Variants in ZDHHC11B observed in about 807,000 individuals in gnomAD.
The protein encoded by ZDHHC11B is probable palmitoyltransferase ZDHHC11B.
Under a neutral mutation model 42.3 loss-of-function variants are expected in ZDHHC11B, and 17 were observed. The observed-to-expected ratio is 0.40, with a 90% CI of 0.27 to 0.60. The LOEUF (loss-of-function observed/expected upper bound fraction) is 0.60, where lower values mean the gene tolerates loss of function less well. Among genes scored for constraint, ZDHHC11B ranks in the 20% least tolerant of loss-of-function variants. The pLI is 0.41. For missense variants in ZDHHC11B, 262 were observed against 463.2 expected, an observed-to-expected ratio of 0.57 and a Z score of 3.99; for synonymous variants, 123 against 193.5, an observed-to-expected ratio of 0.64 and a Z score of 3.02.
At chr5:778,835 C>T (rs1303341872) in intron 1 of ZDHHC11B, among the ~76,000 whole-genome samples, 1 of 151,904 alleles carries the variant, frequency 6.6e-6, no homozygotes, top group African/African-American at 2.4e-5. Flanking sequence ...TCGTCCCCTC[C>T]AAAATCCACG....
At chr5:780,583 G>A (rs1343654902) in intron 1 of ZDHHC11B, among the ~76,000 whole-genome samples, 1 of 135,274 alleles carries the variant, frequency 7.4e-6, no homozygotes, top group Non-Finnish European at 1.5e-5. Flanking sequence ...GAAAACGGAC[G>A]GTAAGACCCC....
intron 8 of ZDHHC11B, among the ~76,000 whole-genome samples, chr5:746,894 G>A (rs1289370035): frequency 4.3e-4 from 54 of 126,304 alleles, no homozygotes; most frequent in African/African-American, 1.1e-3. Context: ...CGGCACATGT[G>A]GATGAGACCA....
intron 13 of ZDHHC11B, among the ~76,000 whole-genome samples, chr5:715,369 A>C (rs1278399746): frequency 6.6e-6 from 1 of 151,196 alleles, no homozygotes; most frequent in Non-Finnish European, 1.5e-5. Context: ...TTCCACACAA[A>C]GGAAATGGTG....
rs370416532 is a variant in ZDHHC11B at position 766,345 on chromosome 5, G to A, written c.222+353C>T. Among the ~76,000 whole-genome samples, 188 of 151,928 alleles carry A rather than the reference G, an allele frequency of 1.2e-3. 3 individuals are homozygous for A. Among genetic ancestry groups the A allele is most frequent in the African/African-American group, 4.4e-3 (183 of 41,406 alleles). On this transcript the variant is annotated intron_variant, in intron 4 of 13. Transcript: ENST00000508859. Reference sequence around the variant, plus strand: ...GGGAGCAGAACCAGGTCCCCCACCTGCTGGGAGATGGGAGCAGACGGCCTG... The same window carrying A: ...GGGAGCAGAACCAGGTCCCCCACCTACTGGGAGATGGGAGCAGACGGCCTG...
In ZDHHC11B at chr5:784,661, C is replaced by G. The variant is rs928161712; in HGVS notation, c.-230+7G>C. Among the ~76,000 whole-genome samples the G allele has an allele frequency of 6.6e-6, 1 of 151,028 alleles. No homozygotes were observed. Among genetic ancestry groups the G allele is most frequent in the African/African-American group, 2.4e-5 (1 of 41,192 alleles). On this transcript the variant is annotated splice_region_variant and intron_variant, in intron 1 of 13. Transcript: ENST00000508859. Reference sequence around the variant, plus strand: ...CGCCCGCAGGACCGAGCCCCGCGCCCGCTTACCTTGGAGACGCAGCAACTG... The same window carrying G: ...CGCCCGCAGGACCGAGCCCCGCGCCGGCTTACCTTGGAGACGCAGCAACTG...
intron 1 of ZDHHC11B, among the ~76,000 whole-genome samples, chr5:772,806 C>T (rs1276041875): frequency 5.7e-4 from 87 of 151,870 alleles, no homozygotes; most frequent in African/African-American, 1.9e-3. Flanking sequence ...CCCGCCTCTG[C>T]GTGGGGTGTG....
In ZDHHC11B at chr5:756,413, C is replaced by T. The variant is rs567027032; in HGVS notation, c.223-269G>A. On this transcript the variant is annotated intron_variant, in intron 4 of 13. Coordinates refer to ENST00000508859, the MANE Select transcript of ZDHHC11B (RefSeq NM_001351303.2). ...TCGGCCCTGCACACACAGCCCTGCTCACCCAGGCCTAGAGAAGATGAGGCT... is the reference window on the plus strand; with the variant it reads ...TCGGCCCTGCACACACAGCCCTGCTTACCCAGGCCTAGAGAAGATGAGGCT... 2.6e-4 allele frequency among the ~76,000 whole-genome samples: 39 copies of T among 151,878 alleles called. 2 individuals are homozygous for T. In the East Asian group the frequency reaches 4.8e-3, roughly 19 times the overall value.
intron 4 of ZDHHC11B, among the ~76,000 whole-genome samples, chr5:759,339 C>T (rs1734278213): frequency 6.6e-6 from 1 of 151,914 alleles, no homozygotes; most frequent in African/African-American, 2.4e-5. Flanking sequence ...AGAGCGAGCC[C>T]ACAGCCCCTA....
At chr5:778,364 T>C (rs1736715758) in intron 1 of ZDHHC11B, among the ~76,000 whole-genome samples, 1 of 151,014 alleles carries the variant, frequency 6.6e-6, no homozygotes, top group Non-Finnish European at 1.5e-5. Context: ...GCAAGGACTC[T>C]CACGCGGGGC....
rs1163368043 is a variant in ZDHHC11B at position 714,609 on chromosome 5, A to G, written c.*7+2192T>C. ...GCAAATGATAAAGAGCATGAAAATG[A>G]TAAAGAATGTGACCTGAAATTATCT... On this transcript the variant is annotated intron_variant, in intron 13 of 13. Coordinates refer to ENST00000508859, the MANE Select transcript of ZDHHC11B (RefSeq NM_001351303.2). Among the ~76,000 whole-genome samples, 5 of 114,562 alleles carry G rather than the reference A, an allele frequency of 4.4e-5. 1 individual carries two copies. In the East Asian group the frequency reaches 1.1e-3, roughly 26 times the overall value. The allele number at this position is 114,562 out of a possible 152,430, so 75.2% of individuals were successfully genotyped here.
intron 4 of ZDHHC11B, among the ~76,000 whole-genome samples, chr5:756,561 C>A (rs1579380413): frequency 6.6e-6 from 1 of 151,828 alleles, no homozygotes; most frequent in East Asian, 1.9e-4. Context: ...ACCGCACCCC[C>A]AGAGGCTCAG....
chr5:730,598 CATGGA>C (rs1742948528), intron 11 of ZDHHC11B, 130 bp from the exon 12 acceptor site: 1 of 1,031,036 alleles, frequency 9.7e-7, no homozygotes, highest in Non-Finnish European at 1.3e-6. Flanking sequence ...ATGCCTGGAT[CATGGA>C]ATAGGATCTC....
At chr5:777,223 G>T (rs1396431125) in intron 1 of ZDHHC11B, among the ~76,000 whole-genome samples, 1 of 151,868 alleles carries the variant, frequency 6.6e-6, no homozygotes, top group African/African-American at 2.4e-5. Flanking sequence ...GCGGACTCTC[G>T]CAGTGAGTGT....
At position 725,098 on chromosome 5, in the gene ZDHHC11B, C is replaced by G. The variant is rs572754404; in HGVS notation, c.1058+5336G>C. The stretch of plus-strand genomic sequence containing the variant: ...AAGCGGAGCCTTTGGTGTCAGCTCC[C>G]GAATGTGGGACCCGGATGACAGGAT... On this transcript the variant is annotated intron_variant, in intron 12 of 13. Transcript: ENST00000508859. Among the ~76,000 whole-genome samples the G allele has an allele frequency of 6.7e-4, 101 of 151,436 alleles. 6 individuals carry two copies. Among genetic ancestry groups the G allele is most frequent in the African/African-American group, 2.4e-3 (98 of 41,030 alleles).
chr5:723,663 TG>T lies in ZDHHC11B; in HGVS notation c.1058+6770del, dbSNP rs1742354282. Among the ~76,000 whole-genome samples, 2 of 109,662 alleles carry T rather than the reference TG, an allele frequency of 1.8e-5. 1 individual carries two copies. Among genetic ancestry groups the T allele is most frequent in the Non-Finnish European group, 4.4e-5 (2 of 45,336 alleles). 71.9% of individuals were successfully genotyped at this position (109,662 alleles called of 152,430 possible). A position where few individuals can be genotyped will look rare whatever the true frequency, so the allele number is the denominator to read the frequency against. On this transcript the variant is annotated intron_variant, in intron 12 of 13. Coordinates refer to ENST00000508859, the MANE Select transcript of ZDHHC11B (RefSeq NM_001351303.2). ...CTAAGAGAAGGCCACAGGCGGGGTCTGGGGGTGCAGGCCAGTCCCCATCAGA... is the reference window on the plus strand; with the variant it reads ...CTAAGAGAAGGCCACAGGCGGGGTCTGGGGTGCAGGCCAGTCCCCATCAGA...
At chr5:723,708 A>G (rs1742357173) in intron 12 of ZDHHC11B, among the ~76,000 whole-genome samples, 1 of 111,872 alleles carries the variant, frequency 8.9e-6, no homozygotes, top group Non-Finnish European at 2.1e-5. Context: ...GATTGTGGCC[A>G]CTGGGGTTAA....
intron 12 of ZDHHC11B, among the ~76,000 whole-genome samples, chr5:724,371 ATTTTTTTT>A (rs386402805): frequency 2.5e-5 from 2 of 81,430 alleles, no homozygotes; most frequent in East Asian, 4.2e-4. Context: ...AACCCAGCTA[ATTTTTTTT>A]TTTTTTTTTT....
chr5:730,383 C>A, intron 12 of ZDHHC11B, 51 bp downstream of exon 12: 1 of 1,550,276 alleles, frequency 6.5e-7, no homozygotes, highest in South Asian at 1.2e-5. Context: ...AATTTGAGTT[C>A]AGGCAAGTGT....
intron 11 of ZDHHC11B, among the ~76,000 whole-genome samples, 186 bp from the exon 12 acceptor site, chr5:730,654 G>T (rs1742952832): frequency 6.6e-6 from 1 of 151,638 alleles, no homozygotes; most frequent in African/African-American, 2.4e-5. Context: ...CTTGTATTAT[G>T]GGCTGAACTA....
Sources: allele counts gnomAD v4.1 joint callset (sites outside exome capture counted in the v4.1 genomes callset), GRCh38; gene constraint gnomAD v4.1.1; transcripts MANE v1.5; gene names NCBI Gene and HGNC (gene_info 2026-07-23, HGNC 2026-07-21).